Variants in CCSER2 observed in about 807,000 individuals in gnomAD.
CCSER2 encodes the protein coiled-coil serine rich protein 2.
Under a neutral mutation model 92.3 loss-of-function variants are expected in CCSER2, and 46 were observed. The ratio of observed to expected loss-of-function variants is 0.50; its 90% confidence interval spans 0.39 to 0.64. The LOEUF (loss-of-function observed/expected upper bound fraction) is 0.64. Among genes scored for constraint, CCSER2 ranks in the 30% least tolerant of loss-of-function variants. CCSER2 has a pLI of 0.00. For missense variants in CCSER2, 1,244 were observed against 1,238.9 expected (o/e 1.00, Z -0.06); for synonymous variants, 433 against 431.4 (o/e 1.00, Z -0.04).
At chr10:84,383,425 C>T (rs1841020835) in intron 3 of CCSER2, among the ~76,000 whole-genome samples, 1 of 152,076 alleles carries the variant, frequency 6.6e-6, no homozygotes, top group African/African-American at 2.4e-5. Flanking sequence ...ACTCTCCTGC[C>T]TCAGCCTCCC....
intron 1 of CCSER2, among the ~76,000 whole-genome samples, chr10:84,335,018 C>G (rs373894090): frequency 9.5e-4 from 144 of 152,236 alleles, no homozygotes; most frequent in African/African-American, 3.4e-3. Flanking sequence ...CCCAGCTGTT[C>G]ACTTTGGCAT....
chr10:84,419,862 G>A (rs951772562), intron 4 of CCSER2, among the ~76,000 whole-genome samples: 3 of 152,212 alleles, frequency 2.0e-5, no homozygotes, highest in Admixed American at 1.3e-4. Flanking sequence ...ATGACAGAAA[G>A]CATCACTGCT....
intron 6 of CCSER2, 22 bp downstream of exon 6, chr10:84,438,729 C>T: frequency 1.4e-6 from 2 of 1,437,856 alleles, no homozygotes; most frequent in Non-Finnish European, 1.9e-6. Context: ...ATGAACATTT[C>T]CAGCTCTGAT....
chr10:84,420,158 G>A (rs536496103), intron 4 of CCSER2, among the ~76,000 whole-genome samples: 2 of 152,310 alleles, frequency 1.3e-5, no homozygotes, highest in East Asian at 3.9e-4. Flanking sequence ...CTTAGAGCCT[G>A]CCTTATCTTT....
At chr10:84,365,809 T>C (rs758410723) in intron 1 of CCSER2, among the ~76,000 whole-genome samples, 2 of 152,194 alleles carry the variant, frequency 1.3e-5, no homozygotes, top group Non-Finnish European at 2.9e-5. Flanking sequence ...GGCGGGGAAA[T>C]GTTAAAGCCT....
At chr10:84,475,407 A>G (rs1446446209) in intron 8 of CCSER2, among the ~76,000 whole-genome samples, 2 of 152,208 alleles carry the variant, frequency 1.3e-5, no homozygotes, top group African/African-American at 2.4e-5. Flanking sequence ...CAAATTTTGG[A>G]AAACTCATAT....
intron 6 of CCSER2, chr10:84,455,709 A>G: frequency 2.5e-6 from 2 of 791,982 alleles, no homozygotes; most frequent in South Asian, 1.3e-5. Flanking sequence ...TTCTTTACCA[A>G]AAGATCAAAT....
At chr10:84,347,637 C>T (rs1844590591) in intron 1 of CCSER2, among the ~76,000 whole-genome samples, 3 of 151,744 alleles carry the variant, frequency 2.0e-5, no homozygotes, top group South Asian at 4.2e-4. Context: ...GGCTGCTGGG[C>T]GGAGACGCTC....
intron 1 of CCSER2, among the ~76,000 whole-genome samples, chr10:84,348,308 C>T (rs1844652346): frequency 6.6e-6 from 1 of 152,226 alleles, no homozygotes; most frequent in Non-Finnish European, 1.5e-5. Context: ...GAAAACCAGT[C>T]AGGCGTGGCG....
At chr10:84,502,632 A>G (rs1046639532) in intron 9 of CCSER2, among the ~76,000 whole-genome samples, 7 of 151,914 alleles carry the variant, frequency 4.6e-5, no homozygotes, top group Non-Finnish European at 8.8e-5. Context: ...GGGCCTCCCA[A>G]AGTGCTGGGA....
At chr10:84,417,911 G>T (rs763541685) in intron 4 of CCSER2, 50 bp downstream of exon 4, 4 of 880,378 alleles carry the variant, frequency 4.5e-6, no homozygotes, top group Admixed American at 1.8e-5. Context: ...TGAGCTACTC[G>T]ACTGTAGCCA....
At chr10:84,340,444 C>T (rs753345403) in intron 1 of CCSER2, among the ~76,000 whole-genome samples, 9 of 146,856 alleles carry the variant, frequency 6.1e-5, no homozygotes, top group Admixed American at 1.4e-4. Flanking sequence ...TGGGAATTTA[C>T]GCCATTCAAT....
At chr10:84,512,395 T>TGTGTGTGA (rs1554872145) in intron 9 of CCSER2, among the ~76,000 whole-genome samples, 1 of 129,814 alleles carries the variant, frequency 7.7e-6, no homozygotes, top group African/African-American at 2.8e-5. Flanking sequence ...TGTGTGTGTG[T>TGTGTGTGA]GAGAGAGAGA....
At chr10:84,500,019 C>T in intron 9 of CCSER2, 3 of 1,611,016 alleles carry the variant, frequency 1.9e-6, no homozygotes, top group South Asian at 1.1e-5. Context: ...TATTTCCCTT[C>T]TGCATGACCT....
chr10:84,489,604 C>A (rs2131794261), intron 9 of CCSER2, among the ~76,000 whole-genome samples: 1 of 152,236 alleles, frequency 6.6e-6, no homozygotes, highest in Admixed American at 6.5e-5. Context: ...AGATCTTCCT[C>A]CATCCCTTTA....
At chr10:84,373,957 A>G (rs1846199724) in intron 3 of CCSER2, 142 bp downstream of exon 3, 2 of 1,451,238 alleles carry the variant, frequency 1.4e-6, no homozygotes, top group South Asian at 2.8e-5. Flanking sequence ...AAGAGCCTAT[A>G]AAATATCTGA....
In CCSER2 at chr10:84,387,407, G is replaced by A. The variant is rs186963803; in HGVS notation, c.1614+13592G>A. Among the ~76,000 whole-genome samples the A allele has an allele frequency of 4.4e-4, 67 of 152,208 alleles. No individual in the cohort carries two copies. The East Asian group carries it at 4.6e-3, about 11-fold the overall frequency. On this transcript the variant is annotated intron_variant, in intron 3 of 9. Coordinates refer to ENST00000372088, the MANE Select transcript of CCSER2 (RefSeq NM_001284240.2). ...GGTGCTCGATAAATGGCTCTTTCCCGTTAGAATTAATTACTCCTTTCTTCG... is the reference window on the plus strand; with the variant it reads ...GGTGCTCGATAAATGGCTCTTTCCCATTAGAATTAATTACTCCTTTCTTCG...
intron 3 of CCSER2, among the ~76,000 whole-genome samples, chr10:84,413,034 T>C (rs1488689911): frequency 6.6e-6 from 1 of 152,200 alleles, no homozygotes; most frequent in African/African-American, 2.4e-5. Flanking sequence ...TTCTTCTCTC[T>C]TTTCTTCTTT....
chr10:84,456,566 T>G (rs1422716123), intron 6 of CCSER2, among the ~76,000 whole-genome samples: 1 of 152,232 alleles, frequency 6.6e-6, no homozygotes, highest in Non-Finnish European at 1.5e-5. Flanking sequence ...GATTTTCATG[T>G]GAGCATGTGT....
Sources: allele counts gnomAD v4.1 joint callset (sites outside exome capture counted in the v4.1 genomes callset), GRCh38; gene constraint gnomAD v4.1.1; transcripts MANE v1.5; gene names NCBI Gene and HGNC (gene_info 2026-07-23, HGNC 2026-07-21).